The following ATP8B1 variants were observed in gnomAD, a reference collection of about 807,000 sequenced individuals.
The protein encoded by ATP8B1 is phospholipid-transporting ATPase IC.
In ATP8B1, 80 loss-of-function variants were observed where a neutral mutation model predicts 149.9. The observed-to-expected ratio is 0.53, with a 90% CI of 0.45 to 0.64. The LOEUF is 0.64. Among genes scored for constraint, ATP8B1 ranks in the 30% least tolerant of loss-of-function variants. The probability of loss-of-function intolerance (pLI) is 0.00; values close to 1 mark genes in which losing one functional copy is unlikely to be tolerated. For synonymous variants in ATP8B1, 536 were observed against 562.8 expected (o/e 0.95, Z 0.67); for missense variants, 1,247 against 1,552.6 (o/e 0.80, Z 3.31).
intron 1 of ATP8B1, among the ~76,000 whole-genome samples, chr18:57,789,762 C>CT (rs1026809278): frequency 7.9e-5 from 12 of 151,956 alleles, no homozygotes; most frequent in South Asian, 2.1e-4. Context: ...TGCACAAATG[C>CT]TTTTTTTTGC....
chr18:57,695,602 A>G, intron 8 of ATP8B1, 70 bp from the exon 9 acceptor site: 7 of 1,173,486 alleles, frequency 6.0e-6, no homozygotes, highest in Non-Finnish European at 7.6e-6. Context: ...TAATCATCCA[A>G]AGTTACATTA....
intron 2 of ATP8B1, chr18:57,731,308 AATATATATAT>A (rs878964423): frequency 1.4e-5 from 2 of 141,296 alleles, no homozygotes; most frequent in African/African-American, 2.9e-5. Context: ...CCTGCCTCAA[AATATATATAT>A]ATATATATAT....
chr18:57,742,081 G>A (rs1309781090), intron 1 of ATP8B1, among the ~76,000 whole-genome samples: 3 of 152,070 alleles, frequency 2.0e-5, no homozygotes, highest in Admixed American at 6.6e-5. Flanking sequence ...TGTTGGCCAG[G>A]CTGGTCTTGA....
rs140561431 is a variant in ATP8B1 at position 57,785,930 on chromosome 18, G to A, written c.-26+17068C>T. Among the ~76,000 whole-genome samples the A allele has an allele frequency of 1.8e-3, 271 of 152,298 alleles. 7 individuals are homozygous for A. The highest frequency in any genetic ancestry group is 0.012 in the Admixed American group (185 of 15,300). On this transcript the variant is annotated intron_variant, in intron 1 of 27. Coordinates refer to ENST00000648908, the MANE Select transcript of ATP8B1 (RefSeq NM_001374385.1). ...CATAAAATTCACTTAATTAGGCCAC[G>A]GTGGATTCTTTTCATTGTAGAGTCA...
intron 1 of ATP8B1, among the ~76,000 whole-genome samples, chr18:57,778,976 G>T (rs559807464): frequency 2.6e-4 from 39 of 152,212 alleles, no homozygotes; most frequent in African/African-American, 7.2e-4. Flanking sequence ...TTTTAGAAAG[G>T]TTCCAAATTT....
chr18:57,699,165 T>G (rs1285775424), intron 6 of ATP8B1, among the ~76,000 whole-genome samples: 1 of 152,244 alleles, frequency 6.6e-6, no homozygotes, highest in Non-Finnish European at 1.5e-5. Flanking sequence ...ACTTTTTATG[T>G]GTCAACACTG....
At position 57,704,599 on chromosome 18, in the gene ATP8B1, T is replaced by C; in HGVS notation, c.349A>G (p.Lys117Glu). The change falls in exon 4 of 28, where the codon AAG becomes GAG. Residue 117 changes from lysine (K) to glutamate (E), a missense_variant. Transcript: ENST00000648908. ...FIPMNLFEQF[K>E]RAANLYFLAL... ...AGGAAATATAAATTGGCTGCTCTCT[T>C]AAACTGCTCAAACAGATTCATTGGT... The C allele has an allele frequency of 6.2e-7, 1 of 1,611,868 alleles. No individual in the cohort carries two copies. Among genetic ancestry groups the C allele is most frequent in the Non-Finnish European group, 8.5e-7 (1 of 1,177,914 alleles).
intron 15 of ATP8B1, 112 bp downstream of exon 15, chr18:57,683,924 T>C: frequency 7.4e-7 from 1 of 1,358,872 alleles, no homozygotes; most frequent in Non-Finnish European, 1.0e-6. Flanking sequence ...CACTGCATTC[T>C]AATATGAGAC....
chr18:57,652,123 A>G lies in ATP8B1; in HGVS notation c.3311T>C (p.Phe1104Ser), dbSNP rs906084726. Residue 1104 changes from phenylalanine (F) to serine (S), a missense_variant, in exon 26 of 28, where the codon TTT becomes TCT. By Grantham distance (155) the Phe-to-Ser change is radical. Coordinates refer to ENST00000648908, the MANE Select transcript of ATP8B1 (RefSeq NM_001374385.1). ...GCCAAAATAAAGTGCAATGCTTCCA[A>G]AAATTGAAAAAGCATTCACAAAAGT... ...YWTFVNAFSI[F>S]GSIALYFGIM... 3 of 1,614,102 alleles carry G rather than the reference A, an allele frequency of 1.9e-6. No homozygotes were observed. Among genetic ancestry groups the G allele is most frequent in the African/African-American group, 2.7e-5 (2 of 75,056 alleles).
chr18:57,685,734 C>A (rs1912202199), intron 13 of ATP8B1, among the ~76,000 whole-genome samples: 1 of 150,868 alleles, frequency 6.6e-6, no homozygotes, highest in Non-Finnish European at 1.5e-5. Flanking sequence ...GAGTTCAAGA[C>A]CAGCTTGGCT....
rs752703482 is a variant in ATP8B1, at chr18:57,674,846, T to C, written c.1807A>G (p.Met603Val). The change falls in exon 16 of 28, where the codon ATG (methionine) becomes GTG (valine). Residue 603 changes from methionine to valine, a missense_variant. Around this residue, in one of 3 missense-constraint regions of ATP8B1, gnomAD observed 853 missense variants for 1,035.7 expected, o/e 0.82. Transcript: ENST00000648908. ...GAGGGGGACTTACCAATGATAGACA[T>C]TCGCTTCCGGTCACTGTTGAAGTCC... ...ILDFNSDRKR[M>V]SIIVRTPEGN... 1.2e-6 allele frequency: 2 copies of C among 1,614,084 alleles called. No individual in the cohort carries two copies. The highest frequency in any genetic ancestry group is 1.7e-6 in the Non-Finnish European group (2 of 1,179,948).
intron 1 of ATP8B1, among the ~76,000 whole-genome samples, chr18:57,751,071 A>C (rs1221481420): frequency 1.3e-5 from 2 of 152,052 alleles, no homozygotes; most frequent in Non-Finnish European, 2.9e-5. Context: ...TGCAGTGAGG[A>C]GAGACTGTGC....
At chr18:57,651,901 T>G in intron 26 of ATP8B1, 133 bp downstream of exon 26, 1 of 1,174,540 alleles carries the variant, frequency 8.5e-7, no homozygotes, top group Non-Finnish European at 1.2e-6. Flanking sequence ...CCCAAAATGC[T>G]GGGATTACAG....
chr18:57,653,678 T>A (rs1274896634), intron 24 of ATP8B1, among the ~76,000 whole-genome samples: 2 of 125,158 alleles, frequency 1.6e-5, no homozygotes, highest in Non-Finnish European at 3.5e-5. Flanking sequence ...AAATCCTCTT[T>A]TCTCTTTTTT....
intron 2 of ATP8B1, among the ~76,000 whole-genome samples, chr18:57,719,946 C>T (rs866024965): frequency 6.6e-6 from 1 of 152,130 alleles, no homozygotes; most frequent in Non-Finnish European, 1.5e-5. Flanking sequence ...CCCCTGACCC[C>T]CGAGCAGCCT....
chr18:57,758,289 C>A (rs1312420862), intron 1 of ATP8B1, among the ~76,000 whole-genome samples: 1 of 151,406 alleles, frequency 6.6e-6, no homozygotes, highest in African/African-American at 2.4e-5. Context: ...TCCCACCCAC[C>A]CTTTGTTGGT....
At chr18:57,653,856 G>A in intron 24 of ATP8B1, 136 bp downstream of exon 24, 1 of 844,930 alleles carries the variant, frequency 1.2e-6, no homozygotes, top group Non-Finnish European at 1.9e-6. Flanking sequence ...GACCCTTGAT[G>A]CCTGACAACA....
intron 12 of ATP8B1, among the ~76,000 whole-genome samples, chr18:57,691,547 G>A (rs1216101570): frequency 6.6e-6 from 1 of 152,144 alleles, no homozygotes; most frequent in African/African-American, 2.4e-5. Context: ...ATAAGACAAT[G>A]ACTACAGGAG....
At chr18:57,748,414 C>T (rs1411874062) in intron 1 of ATP8B1, among the ~76,000 whole-genome samples, 5 of 152,172 alleles carry the variant, frequency 3.3e-5, no homozygotes, top group Non-Finnish European at 7.3e-5. Context: ...TCCCCAGCAC[C>T]CTCACAGGGA....
Sources: gnomAD v4.1 joint callset for allele counts (sites outside exome capture counted in the v4.1 genomes callset) on GRCh38, gnomAD v4.1.1 for gene constraint, gnomAD v4.1.1 regional missense constraint, MANE v1.5 for transcripts, NCBI Gene and HGNC (gene_info 2026-07-23, HGNC 2026-07-21) for gene names.